OR3A2: variants seen among roughly 807,000 people sequenced by gnomAD.
The protein encoded by OR3A2 is olfactory receptor 3A2.
For synonymous variants in OR3A2, 126 were observed against 159.3 expected, an observed-to-expected ratio of 0.79 and a Z score of 1.57; for missense variants, 318 against 392.8, an observed-to-expected ratio of 0.81 and a Z score of 1.61.
At chr17:3,295,097 T>C (rs1192513609) in intron 3 of OR3A2, among the ~76,000 whole-genome samples, 2 of 152,052 alleles carry the variant, frequency 1.3e-5, no homozygotes, top group Non-Finnish European at 2.9e-5. Context: ...TTGTGAAAAT[T>C]GTAAGTATGA....
upstream of OR3A2, among the ~76,000 whole-genome samples, chr17:3,285,118 A>G (rs181996796): frequency 2.8e-4 from 43 of 152,200 alleles, no homozygotes; most frequent in African/African-American, 1.0e-3. Flanking sequence ...GCCTATCAAC[A>G]TGATTTTCTA....
chr17:3,282,041 C>A (rs2048779766), intron 1 of OR3A2, among the ~76,000 whole-genome samples: 1 of 152,110 alleles, frequency 6.6e-6, no homozygotes, highest in African/African-American at 2.4e-5. Context: ...TTGTTTTTCT[C>A]CATACCGGAC....
At chr17:3,303,007 C>T (rs231690) in intron 3 of OR3A2, among the ~76,000 whole-genome samples, 71,294 of 152,024 alleles carry the variant, frequency 0.47, 18,165 homozygotes, top group East Asian at 0.96. Context: ...ACCAAAATAA[C>T]ACATTAGAGG....
At chr17:3,355,493 G>A (rs1242656069) in intron 2 of OR3A2, among the ~76,000 whole-genome samples, 1 of 143,592 alleles carries the variant, frequency 7.0e-6, no homozygotes, top group Non-Finnish European at 1.5e-5. Context: ...TTATATATCT[G>A]GGTACTACAG....
chr17:3,277,682 T>C (rs982174757), exon 2 of OR3A2: 2 of 332,390 alleles, frequency 6.0e-6, no homozygotes, highest in Non-Finnish European at 1.1e-5. Context: ...ATGATGCTTA[T>C]TTACTTTGTC....
chr17:3,327,773 A>G (rs1470727839), intron 3 of OR3A2, among the ~76,000 whole-genome samples: 3 of 136,038 alleles, frequency 2.2e-5, no homozygotes, highest in Middle Eastern at 3.2e-3. Context: ...CTTTCTACAT[A>G]TGGCTAGCCA....
At chr17:3,284,132 G>A (rs1309776474) in intron 1 of OR3A2, among the ~76,000 whole-genome samples, 1 of 148,892 alleles carries the variant, frequency 6.7e-6, no homozygotes, top group Non-Finnish European at 1.5e-5. Context: ...TGGTCTGAGC[G>A]AGTCTCCTCA....
At chr17:3,350,336 A>G (rs2049409620) in intron 2 of OR3A2, among the ~76,000 whole-genome samples, 1 of 149,868 alleles carries the variant, frequency 6.7e-6, no homozygotes, top group African/African-American at 2.4e-5. Context: ...TGCAATAAAA[A>G]ATGATAAAGG....
intron 3 of OR3A2, among the ~76,000 whole-genome samples, chr17:3,290,513 C>T (rs1351281003): frequency 1.3e-5 from 2 of 152,146 alleles, no homozygotes; most frequent in Non-Finnish European, 2.9e-5. Context: ...TCTATTCAAT[C>T]CCTCACCCCC....
At chr17:3,379,398 C>A (rs1481438569) in intron 2 of OR3A2, among the ~76,000 whole-genome samples, 1 of 152,212 alleles carries the variant, frequency 6.6e-6, no homozygotes, top group Non-Finnish European at 1.5e-5. Flanking sequence ...GAGATCCCCA[C>A]AACTCCAACC....
At chr17:3,282,304 G>T (rs1279059577) in intron 1 of OR3A2, among the ~76,000 whole-genome samples, 2 of 152,300 alleles carry the variant, frequency 1.3e-5, no homozygotes, top group East Asian at 3.9e-4. Flanking sequence ...TACTCCGGAG[G>T]CTGAGGCAGG....
Position 3,347,197 on chromosome 17 carries a change from T to C in OR3A2, c.-178-11071A>G, listed in dbSNP as rs187238858. Among the ~76,000 whole-genome samples the C allele has an allele frequency of 1.4e-3, 214 of 151,980 alleles. 2 individuals are homozygous for C. The highest frequency in any genetic ancestry group is 4.9e-4 in the Non-Finnish European group (33 of 67,990). On this transcript the variant is annotated intron_variant, in intron 2 of 4. Coordinates refer to the OR3A2 transcript ENST00000573491. Reference sequence around the variant, plus strand: ...CCCTTTTCTCCACAACTCAATGATGTTGAGTACCTTTTCATATGTCTGTTT... The same window carrying C: ...CCCTTTTCTCCACAACTCAATGATGCTGAGTACCTTTTCATATGTCTGTTT...
At chr17:3,372,571 C>T (rs962624927) in intron 2 of OR3A2, among the ~76,000 whole-genome samples, 92 of 152,174 alleles carry the variant, frequency 6.0e-4, no homozygotes, top group African/African-American at 2.1e-3. Flanking sequence ...TCTGCAATCC[C>T]GGCACCTCGG....
At chr17:3,366,690 T>C (rs2049567027) in intron 2 of OR3A2, among the ~76,000 whole-genome samples, 1 of 152,180 alleles carries the variant, frequency 6.6e-6, no homozygotes, top group Non-Finnish European at 1.5e-5. Flanking sequence ...CCCTAAAACA[T>C]TCATGGCAGA....
chr17:3,281,653 G>T (rs544859837), intron 1 of OR3A2, among the ~76,000 whole-genome samples: 4 of 58,498 alleles, frequency 6.8e-5, no homozygotes, highest in Admixed American at 4.2e-4. Flanking sequence ...TTGTTTGTTT[G>T]TTTTGTTTTC....
intron 3 of OR3A2, among the ~76,000 whole-genome samples, chr17:3,295,224 G>T (rs968530173): frequency 1.3e-5 from 2 of 151,996 alleles, no homozygotes; most frequent in African/African-American, 2.4e-5. Context: ...AATGTTAAAA[G>T]ATATTATTTA....
At chr17:3,353,654 CATTGAT>C (rs2049439362) in intron 2 of OR3A2, among the ~76,000 whole-genome samples, 1 of 151,636 alleles carries the variant, frequency 6.6e-6, no homozygotes, top group South Asian at 2.1e-4. Context: ...TGATGCATCA[CATTGAT>C]TTTTAAATTT....
At chr17:3,314,361 T>C (rs1254242172) in intron 3 of OR3A2, among the ~76,000 whole-genome samples, 1 of 152,264 alleles carries the variant, frequency 6.6e-6, no homozygotes, top group Non-Finnish European at 1.5e-5. Context: ...TTAACTCTGC[T>C]ATGCAAATAT....
chr17:3,311,786 C>A lies in OR3A2; in HGVS notation c.-85+24247G>T. On this transcript the variant is annotated intron_variant, in intron 3 of 4. Coordinates refer to the OR3A2 transcript ENST00000573491. This position sits in a 1 kb window ranked among gnomAD's most constrained non-coding sequence, Gnocchi z 4.6. ...TTCTTCAGTTACATGTGTCTGGGCTCAGTCTCAGCCTCAGACAAAGATAAG... is the reference window on the plus strand; with the variant it reads ...TTCTTCAGTTACATGTGTCTGGGCTAAGTCTCAGCCTCAGACAAAGATAAG... 1 of 211,710 alleles carries A rather than the reference C, an allele frequency of 4.7e-6. No individual in the cohort carries two copies. Among genetic ancestry groups the A allele is most frequent in the Non-Finnish European group, 9.8e-6 (1 of 102,244 alleles). The allele number at this position is 211,710 out of a possible 1,614,324, so 13.1% of individuals were successfully genotyped here.
Sources: gnomAD v4.1 joint callset for allele counts (sites outside exome capture counted in the v4.1 genomes callset) on GRCh38, gnomAD v4.1.1 for gene constraint, Gnocchi (gnomAD v3.1) non-coding constraint, MANE v1.5 for transcripts, NCBI Gene and HGNC (gene_info 2026-07-23, HGNC 2026-07-21) for gene names.